CCP110: variants seen among roughly 807,000 people sequenced by gnomAD.
The protein encoded by CCP110 is centriolar coiled-coil protein 110, also known as centriolar coiled-coil protein of 110 kDa.
In CCP110, 43 loss-of-function variants were observed where a neutral mutation model predicts 105.5. That is an observed-to-expected ratio of 0.41 (90% CI 0.32 to 0.53). The LOEUF (loss-of-function observed/expected upper bound fraction) is 0.53. Among genes scored for constraint, CCP110 ranks in the 20% least tolerant of loss-of-function variants. The pLI is 0.32. For missense variants in CCP110, 1,016 were observed against 1,189.1 expected (o/e 0.85, Z 2.14); for synonymous variants, 353 against 392.1 (o/e 0.90, Z 1.18).
In CCP110 at chr16:19,548,637, G is replaced by A. The variant is rs1970540019; in HGVS notation, c.2986+37G>A. On this transcript the variant is annotated intron_variant, in intron 14 of 14. Transcript: ENST00000381396. The surrounding 1 kb of genome is among the most constrained non-coding windows in gnomAD (Gnocchi z 4.1). ...ATAAATTCCTGAAGCCCATTCAATA[G>A]AAGGAAGTGCACAAGCTGCCCCATA... is the stretch of plus-strand genomic sequence containing the variant. 1.5e-6 allele frequency: 2 copies of A among 1,299,670 alleles called. No individual in the cohort carries two copies. The highest frequency in any genetic ancestry group is 2.2e-6 in the Non-Finnish European group (2 of 926,202). 80.5% of individuals were successfully genotyped at this position (1,299,670 alleles called of 1,614,324 possible).
chr16:19,531,893 G>T (rs1969882297), intron 2 of CCP110, among the ~76,000 whole-genome samples: 1 of 151,546 alleles, frequency 6.6e-6, no homozygotes, highest in African/African-American at 2.4e-5. Context: ...TTGAACCCAG[G>T]AGGCGGAGGT....
Position 19,545,755 on chromosome 16 carries a change from A to G in CCP110, c.2704-62A>G, listed in dbSNP as rs1970437104. On this transcript the variant is annotated intron_variant, in intron 10 of 14. Coordinates refer to ENST00000381396, the Ensembl canonical transcript of CCP110. ...TCCAGGCAATGTGGGATTATAATAC[A>G]TTATAATATAGTGGTATTAATTGGT... 3.1e-5 allele frequency: 26 copies of G among 829,920 alleles called. 1 individual carries two copies. The highest frequency in any genetic ancestry group is 2.5e-4 in the South Asian group (17 of 68,298). 51.4% of individuals were successfully genotyped at this position (829,920 alleles called of 1,614,324 possible).
chr16:19,546,963 G>T, intron 12 of CCP110: 1 of 154,718 alleles, frequency 6.5e-6, no homozygotes. Context: ...ACCAATACCT[G>T]GCCATATACC....
intron 14 of CCP110, among the ~76,000 whole-genome samples, chr16:19,550,431 G>A (rs940328147): frequency 6.6e-6 from 1 of 152,218 alleles, no homozygotes; most frequent in African/African-American, 2.4e-5. Flanking sequence ...GGGATTACAG[G>A]TGTAAGCCAC....
At chr16:19,531,838 C>T (rs747319756) in intron 2 of CCP110, among the ~76,000 whole-genome samples, 3 of 152,012 alleles carry the variant, frequency 2.0e-5, no homozygotes, top group Admixed American at 6.6e-5. Context: ...TGGTGGCACG[C>T]GCCTGTAAGC....
In CCP110 at chr16:19,548,520, C is replaced by T. The variant is rs1970535576; in HGVS notation, c.2906C>T (p.Pro969Leu). The T allele has an allele frequency of 6.5e-7, 1 of 1,544,122 alleles. No homozygotes were observed. The highest frequency in any genetic ancestry group is 2.0e-5 in the Admixed American group (1 of 50,470). Residue 969 changes from proline to leucine, a missense_variant, in exon 14 of 15, where the codon CCT (proline) becomes CTT (leucine). Physicochemically the swap from Pro to Leu is moderately conservative, Grantham distance 98 (BLOSUM62 -3). Transcript: ENST00000381396. This position sits in a 1 kb window ranked among gnomAD's most constrained non-coding sequence, Gnocchi z 4.1. Reference sequence around the variant, plus strand: ...ATTTTTTTATATTCAATTAGAACCCCTAAGACATCAGTGAAGGGGGTTGTG... The same window carrying T: ...ATTTTTTTATATTCAATTAGAACCCTTAAGACATCAGTGAAGGGGGTTGTG...
chr16:19,535,122 C>T (rs371708134), intron 3 of CCP110, among the ~76,000 whole-genome samples: 115 of 152,042 alleles, frequency 7.6e-4, no homozygotes, highest in Middle Eastern at 3.4e-3. Context: ...CCTCATGATC[C>T]GCCCGCCTCG....
chr16:19,536,872 T>C (rs1470870666), exon 4 of CCP110: 2 of 1,614,084 alleles, frequency 1.2e-6, no homozygotes, highest in Non-Finnish European at 1.7e-6. Flanking sequence ...AATTAAGCCC[T>C]AAAGGAAAAG....
rs937089735 is a variant in CCP110 at position 19,548,902 on chromosome 16, A to G, written c.2986+302A>G. On this transcript the variant is annotated intron_variant, in intron 14 of 14. Coordinates refer to ENST00000381396, the Ensembl canonical transcript of CCP110. The surrounding 1 kb of genome is among the most constrained non-coding windows in gnomAD (Gnocchi z 4.1). Reference sequence around the variant, plus strand: ...ATTCAGAAAACCTTTTTATTTAATGAATAAAAGATAACGATCATCTCTGGT... The same window carrying G: ...ATTCAGAAAACCTTTTTATTTAATGGATAAAAGATAACGATCATCTCTGGT... 1.3e-5 allele frequency among the ~76,000 whole-genome samples: 2 copies of G among 152,224 alleles called. No homozygotes were observed. Among genetic ancestry groups the G allele is most frequent in the African/African-American group, 4.8e-5 (2 of 41,466 alleles).
chr16:19,534,894 T>C (rs1161087307), intron 3 of CCP110, among the ~76,000 whole-genome samples: 1 of 149,384 alleles, frequency 6.7e-6, no homozygotes, highest in Non-Finnish European at 1.5e-5. Flanking sequence ...TTTTTTTTTT[T>C]TTCTGAGATG....
At chr16:19,528,129 T>C in intron 2 of CCP110, 107 bp downstream of exon 2, 1 of 889,098 alleles carries the variant, frequency 1.1e-6, no homozygotes, top group Non-Finnish European at 1.7e-6. Flanking sequence ...ATGCCCTCAT[T>C]CAGAATTAGA....
chr16:19,537,461 G>C (rs1261439011), exon 4 of CCP110: 4 of 1,612,626 alleles, frequency 2.5e-6, no homozygotes, highest in Admixed American at 1.7e-5. Context: ...TTTGCAAAAA[G>C]AAAACTGCCC....
chr16:19,536,608 T>A (rs12446976), exon 4 of CCP110: 2 of 1,614,150 alleles, frequency 1.2e-6, no homozygotes, highest in East Asian at 4.5e-5. Flanking sequence ...GCAGCATGAG[T>A]ATGCCAGTTT....
chr16:19,532,539 G>A, exon 3 of CCP110: 1 of 1,590,684 alleles, frequency 6.3e-7, no homozygotes, highest in Middle Eastern at 1.7e-4. Flanking sequence ...TCTTGACAAT[G>A]TTCAGGTGTG....
At position 19,544,911 on chromosome 16, in the gene CCP110, AT is replaced by A; in HGVS notation, c.2586+14del. On this transcript the variant is annotated intron_variant, in intron 9 of 14. Transcript: ENST00000381396. ...AGTGTTAGCTCAGGTAAATACATGGATCCTGAAGGCTTTTAAGACATGGACA... is the reference window on the plus strand; with the variant it reads ...AGTGTTAGCTCAGGTAAATACATGGACCTGAAGGCTTTTAAGACATGGACA... 1 of 1,365,750 alleles carries A rather than the reference AT, an allele frequency of 7.3e-7. No homozygotes were observed. The highest frequency in any genetic ancestry group is 1.0e-6 in the Non-Finnish European group (1 of 964,600). The allele number at this position is 1,365,750 out of a possible 1,614,324, so 84.6% of individuals were successfully genotyped here.
Position 19,528,028 on chromosome 16 carries a change from C to T in CCP110, c.141+6C>T. 1.3e-6 allele frequency: 2 copies of T among 1,596,396 alleles called. No individual in the cohort carries two copies. Among genetic ancestry groups the T allele is most frequent in the South Asian group, 1.1e-5 (1 of 87,936 alleles). On this transcript the variant is annotated splice_donor_region_variant and intron_variant, in intron 2 of 14. Transcript: ENST00000381396. ...TGGCTATCCTTTCTCCACTGGTAAA[C>T]TTGCTTTGTTTTTAAATAGTTTTTT...
Position 19,548,703 on chromosome 16 carries a change from AC to A in CCP110, c.2986+105del. 1.4e-6 allele frequency: 1 copy of A among 717,062 alleles called. No homozygotes were observed. The highest frequency in any genetic ancestry group is 2.3e-6 in the Non-Finnish European group (1 of 438,582). The allele number at this position is 717,062 out of a possible 1,614,324, so 44.4% of individuals were successfully genotyped here. A position where few individuals can be genotyped will look rare whatever the true frequency, so the allele number is the denominator to read the frequency against. On this transcript the variant is annotated intron_variant, in intron 14 of 14. Coordinates refer to ENST00000381396, the Ensembl canonical transcript of CCP110. This position sits in a 1 kb window ranked among gnomAD's most constrained non-coding sequence, Gnocchi z 4.1. ...GTGGAATAGATTGTCTTTCCTTGCC[AC>A]CATAATTTTGGCATATTCACAGTCA...
chr16:19,549,918 C>T (rs749150347), intron 14 of CCP110, among the ~76,000 whole-genome samples: 5 of 152,152 alleles, frequency 3.3e-5, no homozygotes, highest in Non-Finnish European at 5.9e-5. Flanking sequence ...TTCAGCAATA[C>T]TCAACAGTAT....
At chr16:19,551,096 T>C in intron 14 of CCP110, 100 bp from the exon 14 acceptor site, 1 of 752,934 alleles carries the variant, frequency 1.3e-6, no homozygotes, top group Admixed American at 2.0e-5. Flanking sequence ...TAATGTATAT[T>C]GCCTAGCTCA....
Sources: gnomAD v4.1 joint callset for allele counts (sites outside exome capture counted in the v4.1 genomes callset) on GRCh38, gnomAD v4.1.1 for gene constraint, Gnocchi (gnomAD v3.1) non-coding constraint, MANE v1.5 for transcripts, NCBI Gene and HGNC (gene_info 2026-07-23, HGNC 2026-07-21) for gene names.